DIP2A: variants seen among roughly 807,000 people sequenced by gnomAD.
DIP2A encodes the protein DIP2 acetate--CoA ligase A.
DIP2A carries 85 observed loss-of-function variants against 177.4 expected under a neutral mutation model. The observed-to-expected ratio is 0.48, with a 90% CI of 0.40 to 0.57. The LOEUF (loss-of-function observed/expected upper bound fraction) is 0.57. Ranked by LOEUF, DIP2A falls within the 20% of genes least tolerant of loss-of-function variation. The pLI, the probability that DIP2A is intolerant of heterozygous loss-of-function variation, is 0.00. For synonymous variants in DIP2A, 886 were observed against 881.8 expected (o/e 1.00, Z -0.08); for missense variants, 1,791 against 2,100.2 (o/e 0.85, Z 2.88).
At chr21:46,571,493 A>G (rs1401841134), downstream of DIP2A, among the ~76,000 whole-genome samples, 3 of 152,212 alleles carry the variant, frequency 2.0e-5, no homozygotes, top group African/African-American at 4.8e-5. Context: ...TTTGGGCAGT[A>G]TGGCCATTTT....
chr21:46,471,204 GT>G (rs199969991), intron 1 of DIP2A, among the ~76,000 whole-genome samples: 1 of 151,312 alleles, frequency 6.6e-6, no homozygotes, highest in Non-Finnish European at 1.5e-5. Context: ...TACTTTTAAA[GT>G]TTTTTTTTAG....
At chr21:46,561,986 T>C (rs1202185962) in intron 34 of DIP2A, 181 bp downstream of exon 34, 2 of 918,352 alleles carry the variant, frequency 2.2e-6, no homozygotes, top group Non-Finnish European at 2.6e-6. Context: ...TAGAATTACT[T>C]AGTTATGTTT....
At chr21:46,549,474 TG>T (rs747823163) in intron 21 of DIP2A, among the ~76,000 whole-genome samples, 2 of 152,230 alleles carry the variant, frequency 1.3e-5, no homozygotes, top group Non-Finnish European at 2.9e-5. Context: ...GACAAAGATT[TG>T]TGCAGAAGGA....
intron 16 of DIP2A, chr21:46,539,512 G>A: frequency 2.9e-6 from 1 of 339,388 alleles, no homozygotes; most frequent in Non-Finnish European, 5.8e-6. Context: ...TCCCCATGGT[G>A]GAGTCAGAGT....
Position 46,557,442 on chromosome 21 carries a change from C to A in DIP2A, c.3630-143C>A. On this transcript the variant is annotated intron_variant, in intron 30 of 37. Coordinates refer to ENST00000417564, the MANE Select transcript of DIP2A (RefSeq NM_015151.4). This position sits in a 1 kb window ranked among gnomAD's most constrained non-coding sequence, Gnocchi z 6.0. ...CAACCTTCACCCTGTGGCATGTTTT[C>A]CACCAAACCCCCCCACTTGGCGTCA... The A allele has an allele frequency of 9.3e-7, 1 of 1,072,532 alleles. No individual in the cohort carries two copies. The highest frequency in any genetic ancestry group is 1.7e-5 in the South Asian group (1 of 60,344). The allele number at this position is 1,072,532 out of a possible 1,614,324, so 66.4% of individuals were successfully genotyped here.
intron 1 of DIP2A, among the ~76,000 whole-genome samples, chr21:46,471,188 C>T (rs894058121): frequency 2.6e-5 from 4 of 152,052 alleles, no homozygotes; most frequent in Non-Finnish European, 4.4e-5. Flanking sequence ...TGCACTCTAC[C>T]GTGCCTACTT....
rs2060465774 is a variant in DIP2A, at chr21:46,556,339, A to G, written c.3498+248A>G. The stretch of plus-strand genomic sequence containing the variant: ...GATTTATGACTGTCTAGCTTACAGG[A>G]ACTGGTGGCTTTGAAGAATCTCTTA... On this transcript the variant is annotated intron_variant, in intron 29 of 37. Transcript: ENST00000417564. The surrounding 1 kb of genome is among the most constrained non-coding windows in gnomAD (Gnocchi z 4.5). 6.9e-7 allele frequency: 1 copy of G among 1,452,738 alleles called. No homozygotes were observed. Among genetic ancestry groups the G allele is most frequent in the Admixed American group, 2.1e-5 (1 of 47,844 alleles). The allele number at this position is 1,452,738 out of a possible 1,614,324, so 90.0% of individuals were successfully genotyped here.
chr21:46,577,973 A>G, the DIP2A span, among the ~76,000 whole-genome samples: 1 of 152,200 alleles, frequency 6.6e-6, no homozygotes, highest in East Asian at 1.9e-4. Context: ...ACTTTTGCAC[A>G]TTGATTTTGT....
intron 8 of DIP2A, among the ~76,000 whole-genome samples, chr21:46,520,366 G>A (rs2058772490): frequency 1.3e-5 from 2 of 152,196 alleles, no homozygotes; most frequent in Admixed American, 6.5e-5. Context: ...TATTAGTTCA[G>A]CTCATGTCAA....
the DIP2A span, among the ~76,000 whole-genome samples, chr21:46,581,250 G>T: frequency 6.6e-6 from 1 of 152,142 alleles, no homozygotes; most frequent in Admixed American, 6.5e-5. Context: ...ATTGATATTT[G>T]TGGTTGCATT....
At chr21:46,535,023 C>T (rs1240175956) in intron 13 of DIP2A, among the ~76,000 whole-genome samples, 1 of 152,176 alleles carries the variant, frequency 6.6e-6, no homozygotes, top group African/African-American at 2.4e-5. Flanking sequence ...GGTTCACAGG[C>T]CTGCCCTGGG....
chr21:46,490,779 C>A, intron 3 of DIP2A, 60 bp downstream of exon 3: 1 of 1,475,022 alleles, frequency 6.8e-7, no homozygotes, highest in Non-Finnish European at 9.0e-7. Flanking sequence ...TGGACTCTTG[C>A]CATGAAGTCT....
the DIP2A span, among the ~76,000 whole-genome samples, chr21:46,580,578 G>C: frequency 6.6e-6 from 1 of 152,158 alleles, no homozygotes; most frequent in Non-Finnish European, 1.5e-5. Flanking sequence ...TGTACAGGCT[G>C]GTAATAGTTT....
intron 3 of DIP2A, among the ~76,000 whole-genome samples, chr21:46,492,688 C>T (rs114361218): frequency 0.011 from 1,736 of 152,226 alleles, 30 homozygotes; most frequent in African/African-American, 0.039. Context: ...ATTGGCCAGG[C>T]GTGGTTGTTC....
At chr21:46,528,997 A>G (rs1184995336) in intron 8 of DIP2A, 95 bp from the exon 9 acceptor site, 11 of 660,178 alleles carry the variant, frequency 1.7e-5, no homozygotes, top group Non-Finnish European at 2.7e-5. Flanking sequence ...CTAATGGGGT[A>G]ATGGTATATT....
chr21:46,519,855 ATTTTTTTTTTTTTTTTTTTTT>A (rs59574579), intron 8 of DIP2A, among the ~76,000 whole-genome samples: 3 of 53,018 alleles, frequency 5.7e-5, no homozygotes, highest in East Asian at 6.3e-4. Flanking sequence ...ATTGATCTAG[ATTTTTTTTTTTTTTTTTTTTT>A]TTTTTTTTTT....
At position 46,550,692 on chromosome 21, in the gene DIP2A, G is replaced by A. The variant is rs1255939790; in HGVS notation, c.2787G>A (p.Met929Ile). Residue 929 changes from methionine to isoleucine, a missense_variant, in exon 23 of 38, where the codon ATG becomes ATA. Met to Ile is a conservative substitution (Grantham distance 10). Transcript: ENST00000417564. ...CGCTGCACCCGTGTAATGTGCTGAT[G>A]TGCCCTCACACCTGTGTTACCAACC... is the stretch of plus-strand genomic sequence containing the variant. Reference protein sequence around the residue: ...EGTLHPCNVLMCPHTCVTNLP... With the variant: ...EGTLHPCNVLICPHTCVTNLP... 1 of 1,613,914 alleles carries A rather than the reference G, an allele frequency of 6.2e-7. No individual in the cohort carries two copies. The highest frequency in any genetic ancestry group is 1.3e-5 in the African/African-American group (1 of 74,928).
At position 46,484,818 on chromosome 21, in the gene DIP2A, G is replaced by A. The variant is rs562300500; in HGVS notation, c.153G>A (p.Pro51=). The A allele has an allele frequency of 2.3e-5, 36 of 1,580,822 alleles. 1 individual carries two copies. The highest frequency in any genetic ancestry group is 1.9e-4 in the South Asian group (16 of 85,490). Residue 51 remains proline (P), a synonymous_variant, in exon 2 of 38, where the codon CCG becomes CCA. Transcript: ENST00000417564. The stretch of plus-strand genomic sequence containing the variant: ...CAAAGCTGCTTGCACGTTATATACC[G>A]CTTATTCAAGGTAAGGTCAATACAC... ...KRAKLLARYI[P]LIQGIDPSLQ...
intron 1 of DIP2A, among the ~76,000 whole-genome samples, chr21:46,477,756 T>G (rs75941882): frequency 1.7e-5 from 2 of 117,482 alleles, no homozygotes; most frequent in South Asian, 2.7e-4. Context: ...TTGTTTTGTT[T>G]TTTTTTTGGT....
Sources: gnomAD v4.1 joint callset for allele counts (sites outside exome capture counted in the v4.1 genomes callset) on GRCh38, gnomAD v4.1.1 for gene constraint, Gnocchi (gnomAD v3.1) non-coding constraint, MANE v1.5 for transcripts, NCBI Gene and HGNC (gene_info 2026-07-23, HGNC 2026-07-21) for gene names.